Variants in AGO1 observed in about 807,000 individuals in gnomAD.
The protein encoded by AGO1 is argonaute RISC component 1.
In AGO1, 11 loss-of-function variants were observed where a neutral mutation model predicts 109.2. The observed-to-expected ratio is 0.10, with a 90% CI of 0.06 to 0.17. The LOEUF (loss-of-function observed/expected upper bound fraction) is 0.17. Among genes scored for constraint, AGO1 ranks in the 10% least tolerant of loss-of-function variants. The pLI, the probability that AGO1 is intolerant of heterozygous loss-of-function variation, is 1.00. For missense variants in AGO1, 574 were observed against 1,140.3 expected (o/e 0.50, Z 7.15); for synonymous variants, 422 against 418.6 (o/e 1.01, Z -0.10).
upstream of AGO1, chr1:35,883,111 C>T (rs531719298): frequency 5.9e-5 from 64 of 1,079,076 alleles, no homozygotes; most frequent in African/African-American, 1.0e-3. The surrounding 1 kb of genome is among the most constrained non-coding windows in gnomAD (Gnocchi z 5.4). Context: ...CTTGGGTCCC[C>T]GGTGCCCCCG....
intron 11 of AGO1, among the ~76,000 whole-genome samples, chr1:35,904,771 A>C (rs1645489049): frequency 6.6e-6 from 1 of 152,224 alleles, no homozygotes; most frequent in Non-Finnish European, 1.5e-5. Flanking sequence ...GAGATTGTCC[A>C]GGGAGAATGT....
In AGO1 at chr1:35,928,985, G is replaced by A. The variant is rs1433685241; in HGVS notation, c.*9378G>A. On this transcript the variant is annotated 3_prime_UTR_variant, in exon 19 of 19. Transcript: ENST00000373204. Reference sequence around the variant, plus strand: ...TTGTTTGCTGAGCCCCATTCTTGAAGCTCATTTATTTATTCACCTATCTGT... The same window carrying A: ...TTGTTTGCTGAGCCCCATTCTTGAAACTCATTTATTTATTCACCTATCTGT... 6.6e-6 allele frequency: 1 copy of A among 152,196 alleles called. No individual in the cohort carries two copies. Among genetic ancestry groups the A allele is most frequent in the Admixed American group, 6.5e-5 (1 of 15,282 alleles). The allele number at this position is 152,196 out of a possible 1,614,324, so 9.4% of individuals were successfully genotyped here.
intron 1 of AGO1, among the ~76,000 whole-genome samples, chr1:35,875,649 T>G (rs1312904008): frequency 6.6e-6 from 1 of 152,184 alleles, no homozygotes; most frequent in African/African-American, 2.4e-5. Context: ...CCTGACCTAG[T>G]GATCTGCCTG....
chr1:35,919,879 G>C lies in AGO1; in HGVS notation c.*272G>C. 1 of 440,436 alleles carries C rather than the reference G, an allele frequency of 2.3e-6. No homozygotes were observed. Among genetic ancestry groups the C allele is most frequent in the South Asian group, 3.5e-5 (1 of 28,472 alleles). The allele number at this position is 440,436 out of a possible 1,614,324, so 27.3% of individuals were successfully genotyped here. On this transcript the variant is annotated 3_prime_UTR_variant, in exon 19 of 19. Transcript: ENST00000373204. The surrounding 1 kb of genome is among the most constrained non-coding windows in gnomAD (Gnocchi z 6.6). ...TGACCCCACTGGACCAAAAGGGGCA[G>C]CACTGGTGCCCACCATACACACAGG...
chr1:35,907,106 G>A lies in AGO1; in HGVS notation c.1569G>A (p.Lys523=). 6.2e-7 allele frequency: 1 copy of A among 1,613,198 alleles called. No homozygotes were observed. The highest frequency in any genetic ancestry group is 8.5e-7 in the Non-Finnish European group (1 of 1,179,442). Residue 523 remains lysine (K), a synonymous_variant, in exon 12 of 19, where the codon AAG becomes AAA. Transcript: ENST00000373204. ...LQLIIVILPG[K]TPVYAEVKRV... ...TCATTATTGTCATCCTGCCAGGGAAGACGCCGGTGTATGGTACAGTTCTCT... is the reference window on the plus strand; with the variant it reads ...TCATTATTGTCATCCTGCCAGGGAAAACGCCGGTGTATGGTACAGTTCTCT...
At chr1:35,890,854 T>G (rs927332018) in intron 2 of AGO1, among the ~76,000 whole-genome samples, 3 of 152,214 alleles carry the variant, frequency 2.0e-5, no homozygotes, top group Admixed American at 6.5e-5. Flanking sequence ...TAATTTTAAA[T>G]TATATTTTTC....
intron 11 of AGO1, among the ~76,000 whole-genome samples, chr1:35,903,823 C>A (rs927931084): frequency 2.1e-5 from 3 of 144,472 alleles, no homozygotes; most frequent in African/African-American, 7.7e-5. Context: ...ATTAGCCGGG[C>A]GTGGTGGCGC....
chr1:35,917,324 G>T (rs966267583), intron 15 of AGO1, among the ~76,000 whole-genome samples: 1 of 152,096 alleles, frequency 6.6e-6, no homozygotes, highest in Non-Finnish European at 1.5e-5. Context: ...CTTGGTATTA[G>T]GTCTCTTTAT....
chr1:35,919,408 G>T lies in AGO1; in HGVS notation c.2466-91G>T, dbSNP rs1361286346. Reference sequence around the variant, plus strand: ...TGGGTTGGGTTTCTCTCTTAAGTTGGTATGGGAATTGGCATCCCAGGGCTG... The same window carrying T: ...TGGGTTGGGTTTCTCTCTTAAGTTGTTATGGGAATTGGCATCCCAGGGCTG... On this transcript the variant is annotated intron_variant, in intron 18 of 18. Coordinates refer to ENST00000373204, the MANE Select transcript of AGO1 (RefSeq NM_012199.5). The surrounding 1 kb of genome is among the most constrained non-coding windows in gnomAD (Gnocchi z 6.6). 61 of 1,472,824 alleles carry T rather than the reference G, an allele frequency of 4.1e-5. No homozygotes were observed. The highest frequency in any genetic ancestry group is 5.5e-5 in the Non-Finnish European group (59 of 1,081,058). The allele number at this position is 1,472,824 out of a possible 1,614,324, so 91.2% of individuals were successfully genotyped here. A position where few individuals can be genotyped will look rare whatever the true frequency, so the allele number is the denominator to read the frequency against.
chr1:35,884,128 G>A (rs1051258735), intron 1 of AGO1, among the ~76,000 whole-genome samples: 2 of 147,918 alleles, frequency 1.4e-5, no homozygotes, highest in Non-Finnish European at 3.0e-5. Context: ...AAAAAGGAGC[G>A]CGCTGATGGG....
chr1:35,904,476 C>T (rs1645482461), intron 11 of AGO1, among the ~76,000 whole-genome samples: 1 of 152,134 alleles, frequency 6.6e-6, no homozygotes, highest in South Asian at 2.1e-4. Flanking sequence ...CAGCTTTTTG[C>T]CTTTGTGCCA....
In AGO1 at chr1:35,928,354, C is replaced by T. The variant is rs1021545390; in HGVS notation, c.*8747C>T. 6.6e-5 allele frequency: 10 copies of T among 152,286 alleles called. No homozygotes were observed. The highest frequency in any genetic ancestry group is 9.6e-5 in the African/African-American group (4 of 41,458). The allele number at this position is 152,286 out of a possible 1,614,324, so 9.4% of individuals were successfully genotyped here. A position where few individuals can be genotyped will look rare whatever the true frequency, so the allele number is the denominator to read the frequency against. ...GGAGTGCAGTCTCATGATCGCGGCT[C>T]ACTGCAGTTTCTGCCTCCTGGGCTC... On this transcript the variant is annotated 3_prime_UTR_variant, in exon 19 of 19. Transcript: ENST00000373204.
At chr1:35,918,300 G>T in intron 16 of AGO1, 22 bp from the exon 17 acceptor site, 2 of 1,591,620 alleles carry the variant, frequency 1.3e-6, no homozygotes, top group Non-Finnish European at 1.7e-6. Context: ...TTGGGATCTT[G>T]GTTGTGTTTG....
At position 35,894,183 on chromosome 1, in the gene AGO1, A is replaced by G. The variant is rs1192959575; in HGVS notation, c.784+12A>G. ...CAAGGAGATCAAGGGTGAGGACCCA[A>G]CAGGAGGGGAAGGGAAACAGCGCCA... On this transcript the variant is annotated intron_variant, in intron 6 of 18. Coordinates refer to ENST00000373204, the MANE Select transcript of AGO1 (RefSeq NM_012199.5). 2 of 1,569,332 alleles carry G rather than the reference A, an allele frequency of 1.3e-6. No individual in the cohort carries two copies. Among genetic ancestry groups the G allele is most frequent in the African/African-American group, 2.7e-5 (2 of 73,940 alleles).
rs1645075179 is a variant in AGO1, at chr1:35,883,955, C to T, written c.25+509C>T. Among the ~76,000 whole-genome samples the T allele has an allele frequency of 6.6e-6, 1 of 152,190 alleles. No individual in the cohort carries two copies. ...AGGGTCAGGGGGCGGTGGGTGGGGA[C>T]CCAGTCCCGGGATTACCCCCCGTGG... On this transcript the variant is annotated intron_variant, in intron 1 of 18. Transcript: ENST00000373204. This position sits in a 1 kb window ranked among gnomAD's most constrained non-coding sequence, Gnocchi z 5.4.
At chr1:35,887,317 CCT>C (rs2148708156) in intron 1 of AGO1, among the ~76,000 whole-genome samples, 2 of 152,244 alleles carry the variant, frequency 1.3e-5, no homozygotes, top group East Asian at 3.9e-4. Flanking sequence ...CTGGTTTATC[CCT>C]CTCTTCTCCC....
intron 1 of AGO1, among the ~76,000 whole-genome samples, chr1:35,876,394 G>C (rs1202215394): frequency 1.3e-5 from 2 of 151,848 alleles, no homozygotes; most frequent in East Asian, 3.9e-4. Context: ...AGCTTCCCGA[G>C]TAGCTGGGAC....
chr1:35,870,522 A>G (rs1644940992), intron 1 of AGO1, among the ~76,000 whole-genome samples: 3 of 152,082 alleles, frequency 2.0e-5, no homozygotes, highest in Admixed American at 1.3e-4. Context: ...TGACCTCGTG[A>G]TCTGCACGCC....
At chr1:35,908,965 G>A (rs1055162217) in intron 12 of AGO1, among the ~76,000 whole-genome samples, 4 of 151,842 alleles carry the variant, frequency 2.6e-5, no homozygotes, top group African/African-American at 4.8e-5. Context: ...ATTACGGTGC[G>A]CACTACCATG....
Sources: gnomAD v4.1 joint callset for allele counts (sites outside exome capture counted in the v4.1 genomes callset) on GRCh38, gnomAD v4.1.1 for gene constraint, Gnocchi (gnomAD v3.1) non-coding constraint, MANE v1.5 for transcripts, NCBI Gene and HGNC (gene_info 2026-07-23, HGNC 2026-07-21) for gene names.